Variants in UGT1A4 observed in about 807,000 individuals in gnomAD.
UGT1A4 encodes the protein UDP-glucuronosyltransferase 1A4.
Under a neutral mutation model 41.1 loss-of-function variants are expected in UGT1A4, and 32 were observed. That is an observed-to-expected ratio of 0.78 (90% confidence interval 0.59 to 1.05). The LOEUF (loss-of-function observed/expected upper bound fraction) is 1.05. Ranked by LOEUF, UGT1A4 falls within the 50% of genes least tolerant of loss-of-function variation. UGT1A4 has a pLI of 0.00. For synonymous variants in UGT1A4, 283 were observed against 265.1 expected (o/e 1.07, Z -0.66); for missense variants, 748 against 677.4 (o/e 1.10, Z -1.16).
intron 4 of UGT1A4, chr2:233,770,774 T>C (rs1700153442): frequency 6.6e-6 from 1 of 152,224 alleles, no homozygotes; most frequent in African/African-American, 2.4e-5. Context: ...TAATAATGTT[T>C]CCAAATAACA....
chr2:233,726,690 G>A (rs766630788), intron 1 of UGT1A4, among the ~76,000 whole-genome samples: 3 of 152,094 alleles, frequency 2.0e-5, no homozygotes, highest in Admixed American at 6.5e-5. Context: ...CACCTGTAAC[G>A]GAACATATTC....
At position 233,747,695 on chromosome 2, in the gene UGT1A4, G is replaced by A. The variant is rs569419089; in HGVS notation, c.868-19339G>A. The A allele has an allele frequency of 6.2e-4, 998 of 1,611,470 alleles. 13 individuals carry two copies. In the South Asian group the frequency reaches 7.6e-3, roughly 12 times the overall value. On this transcript the variant is annotated intron_variant, in intron 1 of 4. Coordinates refer to ENST00000373409, the MANE Select transcript of UGT1A4 (RefSeq NM_007120.3). ...CAATTTACCTCTGTGGGGCAGTGCTGGCTAAGTACCTATCAATTCCTGCTG... is the reference window on the plus strand; with the variant it reads ...CAATTTACCTCTGTGGGGCAGTGCTAGCTAAGTACCTATCAATTCCTGCTG...
intron 1 of UGT1A4, among the ~76,000 whole-genome samples, chr2:233,766,135 C>T (rs569141558): frequency 2.0e-5 from 3 of 152,288 alleles, no homozygotes; most frequent in Admixed American, 6.5e-5. Context: ...CCAGAAGAAT[C>T]GAATCCCACC....
At chr2:233,730,757 G>C (rs2125758007) in intron 1 of UGT1A4, among the ~76,000 whole-genome samples, 1 of 152,258 alleles carries the variant, frequency 6.6e-6, no homozygotes, top group East Asian at 1.9e-4. Flanking sequence ...AGATAAGACT[G>C]TGAATCTATA....
At chr2:233,738,412 C>G (rs988923331) in intron 1 of UGT1A4, among the ~76,000 whole-genome samples, 2 of 152,164 alleles carry the variant, frequency 1.3e-5, no homozygotes, top group African/African-American at 2.4e-5. Flanking sequence ...GGGTAACAGG[C>G]AGAGGCTGGA....
chr2:233,719,157 A>C lies in UGT1A4; in HGVS notation c.337A>C (p.Ser113Arg), dbSNP rs757422133. Residue 113 changes from serine (S) to arginine (R), a missense_variant, in exon 1 of 5, where the codon AGT (serine) becomes CGT (arginine). Transcript: ENST00000373409. ...TEHLLKRYSR[S>R]MAIMNNVSLA... ...ACATCTTCTGAAGAGATATTCTAGA[A>C]GTATGGCAATTATGAACAATGTATC... 2 of 1,614,264 alleles carry C rather than the reference A, an allele frequency of 1.2e-6. No individual in the cohort carries two copies. The highest frequency in any genetic ancestry group is 1.7e-6 in the Non-Finnish European group (2 of 1,180,052).
chr2:233,756,338 C>G (rs1225810729), intron 1 of UGT1A4: 2 of 152,178 alleles, frequency 1.3e-5, no homozygotes, highest in Non-Finnish European at 2.9e-5. Flanking sequence ...CTAGTCATCT[C>G]TTGATTACTT....
chr2:233,725,261 AGAG>A lies in UGT1A4; in HGVS notation c.867+5579_867+5581del, dbSNP rs754749858. 7.0e-4 allele frequency among the ~76,000 whole-genome samples: 22 copies of A among 31,252 alleles called. 3 individuals carry two copies. The highest frequency in any genetic ancestry group is 4.3e-3 in the African/African-American group (20 of 4,634). The allele number at this position is 31,252 out of a possible 152,430, so 20.5% of individuals were successfully genotyped here. A position where few individuals can be genotyped will look rare whatever the true frequency, so the allele number is the denominator to read the frequency against. ...AGGCAGAGGCAGAGGAGGCAGAGGC[AGAG>A]GAGGCAGAGGCAGAGGCAGAGGCAG... On this transcript the variant is annotated intron_variant, in intron 1 of 4. Transcript: ENST00000373409.
chr2:233,760,805 A>C (rs1464812223), intron 1 of UGT1A4: 1 of 1,613,342 alleles, frequency 6.2e-7, no homozygotes, highest in Admixed American at 1.7e-5. Context: ...TTCTTCTTGC[A>C]TGCACTGCCA....
chr2:233,721,383 C>T (rs2076941524), intron 1 of UGT1A4: 1 of 152,770 alleles, frequency 6.5e-6, no homozygotes, highest in South Asian at 2.1e-4. Context: ...TCTTCACTCT[C>T]ATTTTTCTAG....
At chr2:233,756,397 G>GT (rs1005447677) in intron 1 of UGT1A4, 19 of 151,974 alleles carry the variant, frequency 1.3e-4, no homozygotes, top group Admixed American at 5.2e-4. Flanking sequence ...TACAGTATTG[G>GT]TTTTTTATTT....
intron 1 of UGT1A4, among the ~76,000 whole-genome samples, chr2:233,765,636 G>A (rs1698897187): frequency 6.6e-6 from 1 of 151,630 alleles, no homozygotes; most frequent in Non-Finnish European, 1.5e-5. Context: ...GGAACTTAGA[G>A]GATAGGTCAA....
chr2:233,756,091 CATT>C (rs1696120004), intron 1 of UGT1A4: 1 of 152,178 alleles, frequency 6.6e-6, no homozygotes, highest in Admixed American at 6.5e-5. Context: ...AATCAAGTAA[CATT>C]ATTACGGAAA....
chr2:233,729,223 G>T, intron 1 of UGT1A4: 1 of 1,614,166 alleles, frequency 6.2e-7, no homozygotes, highest in Non-Finnish European at 8.5e-7. Context: ...AAAGGTGTTG[G>T]TGGTGCCCAT....
Position 233,769,718 on chromosome 2 carries a change from C to A in UGT1A4, c.1307+1279C>A. On this transcript the variant is annotated intron_variant, in intron 4 of 4. Coordinates refer to ENST00000373409, the MANE Select transcript of UGT1A4 (RefSeq NM_007120.3). The surrounding 1 kb of genome is among the most constrained non-coding windows in gnomAD (Gnocchi z 4.4). Reference sequence around the variant, plus strand: ...TAAAAGATCAATGTTGGCTAGGCACCATGGCACACGCCTGTAGTCCCAGCC... The same window carrying A: ...TAAAAGATCAATGTTGGCTAGGCACAATGGCACACGCCTGTAGTCCCAGCC... 6.7e-7 allele frequency: 1 copy of A among 1,492,462 alleles called. No individual in the cohort carries two copies. Among genetic ancestry groups the A allele is most frequent in the Non-Finnish European group, 8.9e-7 (1 of 1,119,524 alleles). The allele number at this position is 1,492,462 out of a possible 1,614,324, so 92.5% of individuals were successfully genotyped here.
At chr2:233,728,309 T>C (rs1025928901) in intron 1 of UGT1A4, among the ~76,000 whole-genome samples, 4 of 152,178 alleles carry the variant, frequency 2.6e-5, no homozygotes, top group African/African-American at 9.6e-5. Flanking sequence ...CTGTGCAAGA[T>C]CTGAGGCCAG....
chr2:233,734,986 T>C (rs946842672), intron 1 of UGT1A4, among the ~76,000 whole-genome samples: 1 of 152,248 alleles, frequency 6.6e-6, no homozygotes, highest in Non-Finnish European at 1.5e-5. Context: ...AGAATGTATA[T>C]TCTCTTGACT....
Position 233,767,033 on chromosome 2 carries a change from G to A in UGT1A4, c.868-1G>A, listed in dbSNP as rs1285708223. The stretch of plus-strand genomic sequence containing the variant: ...ACTGAAAATTTTTCTTCTGGCTCTA[G>A]GAATTTGAAGCCTACATTAATGCTT... On this transcript the variant is annotated splice_acceptor_variant, in intron 1 of 4. Coordinates refer to ENST00000373409, the MANE Select transcript of UGT1A4 (RefSeq NM_007120.3). LOFTEE classifies it high-confidence loss of function. 3 of 1,614,026 alleles carry A rather than the reference G, an allele frequency of 1.9e-6. No individual in the cohort carries two copies. The highest frequency in any genetic ancestry group is 2.5e-6 in the Non-Finnish European group (3 of 1,180,004).
chr2:233,723,456 C>T (rs548922303), intron 1 of UGT1A4, among the ~76,000 whole-genome samples: 9 of 138,712 alleles, frequency 6.5e-5, no homozygotes, highest in South Asian at 2.7e-4. Flanking sequence ...GTGATCCACC[C>T]GCCTCAGCCT....
Sources: gnomAD v4.1 joint callset for allele counts (sites outside exome capture counted in the v4.1 genomes callset) on GRCh38, gnomAD v4.1.1 for gene constraint, Gnocchi (gnomAD v3.1) non-coding constraint, MANE v1.5 for transcripts, NCBI Gene and HGNC (gene_info 2026-07-23, HGNC 2026-07-21) for gene names.